The following HSF5 variants were observed in gnomAD, a reference collection of about 807,000 sequenced individuals.
HSF5 encodes heat shock transcription factor 5.
In HSF5, 5 loss-of-function variants were observed where a neutral mutation model predicts 50.8. That is an observed-to-expected ratio of 0.10 (90% CI 0.05 to 0.21). The LOEUF (loss-of-function observed/expected upper bound fraction) is 0.21, where lower values mean the gene tolerates loss of function less well. Ranked by LOEUF, HSF5 falls within the 10% of genes least tolerant of loss-of-function variation. The probability of loss-of-function intolerance (pLI) is 1.00; values close to 1 mark genes in which losing one functional copy is unlikely to be tolerated. For synonymous variants in HSF5, 307 were observed against 307.4 expected (o/e 1.00, Z 0.02); for missense variants, 564 against 762.6 (o/e 0.74, Z 3.07).
Position 58,480,153 on chromosome 17 carries a change from T to C in HSF5, c.665A>G (p.Asp222Gly), listed in dbSNP as rs1417372838. 1 of 1,614,184 alleles carries C rather than the reference T, an allele frequency of 6.2e-7. No individual in the cohort carries two copies. Among genetic ancestry groups the C allele is most frequent in the Non-Finnish European group, 8.5e-7 (1 of 1,180,036 alleles). Reference sequence around the variant, plus strand: ...TATTCTATGAGGAACTGGGGTCCGATCTAAACCTTTCAGAGGGTAAGTACT... The same window carrying C: ...TATTCTATGAGGAACTGGGGTCCGACCTAAACCTTTCAGAGGGTAAGTACT... ...DHSTYPLKGL[D>G]RTPVPHRIWQ... The change falls in exon 2 of 6, where the codon GAT becomes GGT. Residue 222 changes from aspartate (D) to glycine (G), a missense_variant. Around this residue, in one of 5 missense-constraint regions of HSF5, gnomAD observed 441 missense variants for 533.6 expected, o/e 0.83. Coordinates refer to ENST00000323777, the MANE Select transcript of HSF5 (RefSeq NM_001080439.3).
intron 5 of HSF5, among the ~76,000 whole-genome samples, chr17:58,435,549 TA>T (rs1974416861): frequency 6.9e-6 from 1 of 145,518 alleles, no homozygotes; most frequent in Non-Finnish European, 1.5e-5. Context: ...TCCAGCTCAA[TA>T]AATAAACAAA....
intron 5 of HSF5, among the ~76,000 whole-genome samples, chr17:58,427,267 A>G (rs1183761390): frequency 6.6e-6 from 1 of 152,118 alleles, no homozygotes; most frequent in Non-Finnish European, 1.5e-5. Context: ...CTCAAAATAA[A>G]ACAAAATAAA....
intron 5 of HSF5, among the ~76,000 whole-genome samples, chr17:58,448,318 T>C (rs1277040941): frequency 6.6e-6 from 1 of 151,904 alleles, no homozygotes; most frequent in Non-Finnish European, 1.5e-5. Flanking sequence ...GAAAACTTAT[T>C]GAAATAAACA....
At chr17:58,461,431 T>C (rs1189535507) in intron 4 of HSF5, among the ~76,000 whole-genome samples, 2 of 152,086 alleles carry the variant, frequency 1.3e-5, no homozygotes, top group South Asian at 2.1e-4. Context: ...TGCCAAAAGT[T>C]ATCTTGGGAC....
chr17:58,480,253 C>A lies in HSF5; in HGVS notation c.565G>T (p.Gly189Ter). The change falls in exon 2 of 6, where the codon GGA (glycine) becomes TGA (stop). Residue 189 changes from glycine to a stop codon, truncating the protein, a stop_gained. Coordinates refer to ENST00000323777, the MANE Select transcript of HSF5 (RefSeq NM_001080439.3). LOFTEE classifies it high-confidence loss of function. ...CGACGAAATGACCGGTGAAATTGTC[C>A]TACAGCCACTGGTCCTACATAAAAG... Reference protein sequence around the residue: ...RPEPHGPVAVGQFHRSFRRDS... With the variant: ...RPEPHGPVAV The A allele has an allele frequency of 6.2e-7, 1 of 1,609,374 alleles. No homozygotes were observed. Among genetic ancestry groups the A allele is most frequent in the Non-Finnish European group, 8.5e-7 (1 of 1,177,380 alleles).
chr17:58,436,345 C>CCT (rs1567906754), intron 5 of HSF5, among the ~76,000 whole-genome samples: 1 of 145,966 alleles, frequency 6.9e-6, no homozygotes, highest in East Asian at 2.0e-4. Flanking sequence ...AATTAAAAAA[C>CCT]TTTTTTTTTT....
At chr17:58,470,631 T>C (rs1334729020) in intron 2 of HSF5, among the ~76,000 whole-genome samples, 1 of 152,178 alleles carries the variant, frequency 6.6e-6, no homozygotes, top group African/African-American at 2.4e-5. Context: ...TAAAAATAGT[T>C]AAGATGGTAA....
chr17:58,464,017 A>G (rs1056371023), intron 3 of HSF5, among the ~76,000 whole-genome samples: 3 of 152,246 alleles, frequency 2.0e-5, no homozygotes, highest in Non-Finnish European at 4.4e-5. Flanking sequence ...GATGTTGCAC[A>G]ATGAAGAGCT....
In HSF5 at chr17:58,488,080, G is replaced by A. The variant is rs778662633; in HGVS notation, c.195C>T (p.Ala65=). ...TTTTGAAGAGCTCGGGCTCGGCCCCGGCCCCCGCAGTCCCGCCACCGCCCC... is the reference window on the plus strand; with the variant it reads ...TTTTGAAGAGCTCGGGCTCGGCCCCAGCCCCCGCAGTCCCGCCACCGCCCC... ...GPGGGGGTAG[A]GAEPELFKTT... Residue 65 remains alanine, a synonymous_variant, in exon 1 of 6, where the codon GCC becomes GCT. Coordinates refer to ENST00000323777, the MANE Select transcript of HSF5 (RefSeq NM_001080439.3). The surrounding 1 kb of genome is among the most constrained non-coding windows in gnomAD (Gnocchi z 4.1). 6.5e-7 allele frequency: 1 copy of A among 1,544,444 alleles called. No homozygotes were observed. Among genetic ancestry groups the A allele is most frequent in the Non-Finnish European group, 8.7e-7 (1 of 1,147,908 alleles).
chr17:58,435,758 G>A lies in HSF5; in HGVS notation c.1721-13328C>T, dbSNP rs1460240700. On this transcript the variant is annotated intron_variant, in intron 5 of 5. Transcript: ENST00000323777. ...ACTAAATATACAAAAAATTAGCCGG[G>A]CATGGTGGCGGGCGCCTGTAGTCCC... Among the ~76,000 whole-genome samples, 4 of 151,854 alleles carry A rather than the reference G, an allele frequency of 2.6e-5. No individual in the cohort carries two copies. The East Asian group carries it at 7.8e-4, about 29-fold the overall frequency.
chr17:58,450,276 T>G (rs1974618484), intron 5 of HSF5, among the ~76,000 whole-genome samples: 1 of 145,074 alleles, frequency 6.9e-6, no homozygotes, highest in Non-Finnish European at 1.5e-5. Context: ...GAGGCAGAGT[T>G]TGCAGTGAGC....
intron 5 of HSF5, among the ~76,000 whole-genome samples, chr17:58,436,638 TA>T (rs1168367308): frequency 6.6e-6 from 1 of 152,128 alleles, no homozygotes; most frequent in African/African-American, 2.4e-5. Context: ...GAGAGGAAAT[TA>T]TTTTTTTAAC....
At chr17:58,423,193 C>G (rs1598177145) in intron 5 of HSF5, among the ~76,000 whole-genome samples, 1 of 152,126 alleles carries the variant, frequency 6.6e-6, no homozygotes, top group African/African-American at 2.4e-5. Flanking sequence ...AGTTGATTGA[C>G]TCTATAAAAT....
intron 5 of HSF5, among the ~76,000 whole-genome samples, chr17:58,426,037 G>C (rs552060881): frequency 4.8e-4 from 73 of 152,260 alleles, no homozygotes; most frequent in African/African-American, 1.7e-3. Context: ...CTCCATAAAG[G>C]ACAGGCCATA....
chr17:58,447,875 C>A (rs141175612), intron 5 of HSF5, among the ~76,000 whole-genome samples: 1 of 152,110 alleles, frequency 6.6e-6, no homozygotes, highest in Non-Finnish European at 1.5e-5. Context: ...TTCATCTGGG[C>A]GCAGTGGCTC....
At chr17:58,431,275 A>G (rs940184877) in intron 5 of HSF5, among the ~76,000 whole-genome samples, 3 of 152,162 alleles carry the variant, frequency 2.0e-5, no homozygotes, top group African/African-American at 7.2e-5. Context: ...GGACTAACAC[A>G]CATACCAAGG....
intron 5 of HSF5, among the ~76,000 whole-genome samples, chr17:58,447,312 C>A (rs1476678072): frequency 6.6e-6 from 1 of 152,212 alleles, no homozygotes; most frequent in African/African-American, 2.4e-5. Flanking sequence ...GGACCCAAGT[C>A]CCAGCCAGCT....
intron 5 of HSF5, 48 bp downstream of exon 5, chr17:58,458,720 C>T (rs964592785): frequency 6.1e-6 from 9 of 1,477,802 alleles, no homozygotes; most frequent in Non-Finnish European, 7.3e-6. Flanking sequence ...TATATTAATT[C>T]TACAGCGTGA....
chr17:58,456,862 C>T (rs1159501117), intron 5 of HSF5, among the ~76,000 whole-genome samples: 1 of 152,184 alleles, frequency 6.6e-6, no homozygotes, highest in Non-Finnish European at 1.5e-5. Flanking sequence ...GTGGCTCATG[C>T]TCATAATCCC....
Sources: allele counts gnomAD v4.1 joint callset (sites outside exome capture counted in the v4.1 genomes callset), GRCh38; gene constraint gnomAD v4.1.1; regional missense constraint gnomAD v4.1.1; non-coding constraint Gnocchi (gnomAD v3.1); transcripts MANE v1.5; gene names NCBI Gene and HGNC (gene_info 2026-07-23, HGNC 2026-07-21).